TPD52L1: variants seen among roughly 807,000 people sequenced by gnomAD.
TPD52L1 encodes tumor protein D53.
A neutral mutation model predicts 28.7 loss-of-function variants in TPD52L1; 18 were observed. That is an observed-to-expected ratio of 0.63 (90% CI 0.43 to 0.93). The LOEUF is 0.93. Ranked by LOEUF, TPD52L1 falls within the 40% of genes least tolerant of loss-of-function variation. The pLI, the probability that TPD52L1 is intolerant of heterozygous loss-of-function variation, is 0.00. For missense variants in TPD52L1, 203 were observed against 254.8 expected, an observed-to-expected ratio of 0.80 and a Z score of 1.39; for synonymous variants, 75 against 88.8, an observed-to-expected ratio of 0.84 and a Z score of 0.88.
intron 1 of TPD52L1, among the ~76,000 whole-genome samples, chr6:125,156,285 A>G (rs1230613681): frequency 6.6e-6 from 1 of 151,538 alleles, no homozygotes; most frequent in Non-Finnish European, 1.5e-5. Context: ...GACAACATAG[A>G]GAGACCTCAT....
chr6:125,156,481 G>GAAAAAAAAA (rs1790140206), intron 1 of TPD52L1, among the ~76,000 whole-genome samples: 1 of 35,672 alleles, frequency 2.8e-5, no homozygotes, highest in Non-Finnish European at 7.3e-5. Context: ...AAAAAAAAAA[G>GAAAAAAAAA]AGAGAGATAC....
intron 1 of TPD52L1, among the ~76,000 whole-genome samples, chr6:125,186,074 A>G (rs1792601783): frequency 6.6e-6 from 1 of 151,880 alleles, no homozygotes; most frequent in Non-Finnish European, 1.5e-5. Context: ...TTGTATTTTT[A>G]GTAGAGACGG....
At chr6:125,167,822 C>A (rs1791007646) in intron 1 of TPD52L1, among the ~76,000 whole-genome samples, 1 of 150,250 alleles carries the variant, frequency 6.7e-6, no homozygotes, top group Non-Finnish European at 1.5e-5. Context: ...CAGCAGTGAG[C>A]AATTTTATAC....
intron 1 of TPD52L1, among the ~76,000 whole-genome samples, chr6:125,194,381 G>A (rs1793275690): frequency 6.6e-6 from 1 of 152,126 alleles, no homozygotes; most frequent in South Asian, 2.1e-4. Flanking sequence ...CACCAAGAAA[G>A]TAGTGTTTTC....
chr6:125,247,174 T>G (rs918083074), intron 3 of TPD52L1, among the ~76,000 whole-genome samples: 1 of 152,116 alleles, frequency 6.6e-6, no homozygotes, highest in African/African-American at 2.4e-5. Flanking sequence ...GGTATAATGT[T>G]TTCTTACAGA....
intron 1 of TPD52L1, among the ~76,000 whole-genome samples, chr6:125,176,424 AT>A (rs1235189829): frequency 6.6e-6 from 1 of 152,190 alleles, no homozygotes; most frequent in Non-Finnish European, 1.5e-5. Context: ...AAATCCATTC[AT>A]CTCCAAATTT....
Position 125,262,700 on chromosome 6 carries a change from T to C in TPD52L1, c.487-134T>C, listed in dbSNP as rs1051543950. The C allele has an allele frequency of 3.3e-6, 4 of 1,217,180 alleles. No homozygotes were observed. The African/African-American group carries it at 4.6e-5, about 14-fold the overall frequency. 75.4% of individuals were successfully genotyped at this position (1,217,180 alleles called of 1,614,324 possible). A position where few individuals can be genotyped will look rare whatever the true frequency, so the allele number is the denominator to read the frequency against. On this transcript the variant is annotated intron_variant, in intron 6 of 6. Coordinates refer to ENST00000534000, the MANE Select transcript of TPD52L1 (RefSeq NM_003287.4). Reference sequence around the variant, plus strand: ...CACTCTACTAAAGGAAACAAACTTCTGTGCATTCTTTTGTCTCTAAAGATA... The same window carrying C: ...CACTCTACTAAAGGAAACAAACTTCCGTGCATTCTTTTGTCTCTAAAGATA...
chr6:125,191,944 G>A (rs1793072438), intron 1 of TPD52L1, among the ~76,000 whole-genome samples: 1 of 152,196 alleles, frequency 6.6e-6, no homozygotes, highest in South Asian at 2.1e-4. Flanking sequence ...CAGAATCTAA[G>A]TAGAATCAAA....
chr6:125,170,565 C>T (rs1392438163), intron 1 of TPD52L1, among the ~76,000 whole-genome samples: 1 of 151,878 alleles, frequency 6.6e-6, no homozygotes, highest in Non-Finnish European at 1.5e-5. Flanking sequence ...AATACCCAGC[C>T]CTTGTTACAT....
In TPD52L1 at chr6:125,181,509, G is replaced by A. The variant is rs560507752; in HGVS notation, c.19+27539G>A. 7.2e-5 allele frequency among the ~76,000 whole-genome samples: 11 copies of A among 152,306 alleles called. No homozygotes were observed. In the South Asian group the frequency reaches 1.7e-3, roughly 23 times the overall value. ...AAAACTGAGACTTAATCAACATCAT[G>A]GGATTTAAATATCAAACTATGAACA... On this transcript the variant is annotated intron_variant, in intron 1 of 6. Coordinates refer to ENST00000534000, the MANE Select transcript of TPD52L1 (RefSeq NM_003287.4).
chr6:125,252,002 C>T (rs1797299619), intron 4 of TPD52L1: 1 of 1,536,000 alleles, frequency 6.5e-7, no homozygotes, highest in Non-Finnish European at 8.7e-7. Context: ...GCTCTTCTCT[C>T]CTGTGCTTCC....
chr6:125,185,854 A>G (rs140030712), intron 1 of TPD52L1, among the ~76,000 whole-genome samples: 114 of 152,090 alleles, frequency 7.5e-4, no homozygotes, highest in African/African-American at 2.7e-3. Context: ...AAGAAATTCT[A>G]GAAGATAGAG....
At chr6:125,205,400 T>G (rs1454971178) in intron 1 of TPD52L1, among the ~76,000 whole-genome samples, 1 of 152,166 alleles carries the variant, frequency 6.6e-6, no homozygotes, top group East Asian at 1.9e-4. Context: ...CAGTGTCACC[T>G]TAGATGGTCC....
chr6:125,230,592 G>A (rs1582977156), intron 3 of TPD52L1, among the ~76,000 whole-genome samples: 1 of 152,252 alleles, frequency 6.6e-6, no homozygotes, highest in South Asian at 2.1e-4. Flanking sequence ...AGCCAAATTT[G>A]CCTGCTGGTT....
intron 2 of TPD52L1, among the ~76,000 whole-genome samples, chr6:125,221,094 T>C (rs767694135): frequency 6.6e-6 from 1 of 152,150 alleles, no homozygotes. Context: ...GAACTCTGAG[T>C]TCTAGCCTCC....
chr6:125,247,987 A>T (rs948000495), intron 3 of TPD52L1, among the ~76,000 whole-genome samples: 1 of 152,222 alleles, frequency 6.6e-6, no homozygotes, highest in African/African-American at 2.4e-5. Context: ...CAAGAACAAC[A>T]TTCTGCTCAC....
intron 6 of TPD52L1, among the ~76,000 whole-genome samples, chr6:125,257,980 G>C (rs3799726): frequency 6.6e-6 from 1 of 152,050 alleles, no homozygotes; most frequent in Non-Finnish European, 1.5e-5. Flanking sequence ...AAGAATATAC[G>C]TGATCTTTAA....
At chr6:125,208,162 A>G (rs958609321) in intron 1 of TPD52L1, among the ~76,000 whole-genome samples, 1 of 152,228 alleles carries the variant, frequency 6.6e-6, no homozygotes, top group Admixed American at 6.5e-5. Flanking sequence ...GTTTAAGAAC[A>G]GTAGATTATT....
Position 125,153,923 on chromosome 6 carries a change from C to T in TPD52L1, c.-29C>T. Reference sequence around the variant, plus strand: ...TGCTCTGGGAAGCACCAGGGTGTCCCCGCCGCCCTCAGCTCGAAGTCAGCC... The same window carrying T: ...TGCTCTGGGAAGCACCAGGGTGTCCTCGCCGCCCTCAGCTCGAAGTCAGCC... On this transcript the variant is annotated 5_prime_UTR_variant, in exon 1 of 7. Transcript: ENST00000534000. The T allele has an allele frequency of 5.0e-6, 8 of 1,598,926 alleles. No homozygotes were observed. Among genetic ancestry groups the T allele is most frequent in the Non-Finnish European group, 6.8e-6 (8 of 1,176,490 alleles).
Sources: allele counts gnomAD v4.1 joint callset (sites outside exome capture counted in the v4.1 genomes callset), GRCh38; gene constraint gnomAD v4.1.1; transcripts MANE v1.5; gene names NCBI Gene and HGNC (gene_info 2026-07-23, HGNC 2026-07-21).